The following ZNF610 variants were observed in gnomAD, a reference collection of about 807,000 sequenced individuals.
ZNF610 encodes zink finger protein.
A neutral mutation model predicts 14.1 loss-of-function variants in ZNF610; 14 were observed. The ratio of observed to expected loss-of-function variants is 0.99; its 90% confidence interval spans 0.65 to 1.55. ZNF610 has a LOEUF of 1.55. Ranked by LOEUF, ZNF610 falls within the 40% of genes most tolerant of loss-of-function variation. ZNF610 has a pLI of 0.00. For missense variants in ZNF610, 530 were observed against 558.0 expected, an observed-to-expected ratio of 0.95 and a Z score of 0.51; for synonymous variants, 185 against 187.6, an observed-to-expected ratio of 0.99 and a Z score of 0.11.
At chr19:52,344,836 G>A (rs976911080) in intron 1 of ZNF610, among the ~76,000 whole-genome samples, 2 of 152,162 alleles carry the variant, frequency 1.3e-5, no homozygotes, top group Non-Finnish European at 2.9e-5. Context: ...AGGCTGGAAC[G>A]CAGTGGTGCA....
chr19:52,335,166 G>C (rs1264790220), upstream of ZNF610, among the ~76,000 whole-genome samples: 1 of 151,778 alleles, frequency 6.6e-6, no homozygotes, highest in Non-Finnish European at 1.5e-5. Flanking sequence ...TTAGGCGGGC[G>C]TGGTGGTGGG....
chr19:52,334,550 T>C (rs1356797291), upstream of ZNF610, among the ~76,000 whole-genome samples: 1 of 151,976 alleles, frequency 6.6e-6, no homozygotes, highest in African/African-American at 2.4e-5. Context: ...TAAAATTAAA[T>C]GAATATTGAC....
At chr19:52,351,664 C>G (rs1321992660) in intron 3 of ZNF610, among the ~76,000 whole-genome samples, 2 of 152,126 alleles carry the variant, frequency 1.3e-5, no homozygotes, top group African/African-American at 4.8e-5. Flanking sequence ...TGCACCTGCT[C>G]TGCAGCCTGT....
At chr19:52,339,257 C>A (rs1413215335) in intron 1 of ZNF610, among the ~76,000 whole-genome samples, 2 of 151,814 alleles carry the variant, frequency 1.3e-5, no homozygotes, top group East Asian at 3.9e-4. Flanking sequence ...ATGCCTTCCT[C>A]TTATCTTAAC....
chr19:52,358,240 G>A (rs1985622206), intron 5 of ZNF610, among the ~76,000 whole-genome samples: 1 of 152,122 alleles, frequency 6.6e-6, no homozygotes. Flanking sequence ...CTGGAGTGCG[G>A]TGGCGCGATC....
chr19:52,339,308 C>A (rs114018702), intron 1 of ZNF610, among the ~76,000 whole-genome samples: 4 of 151,898 alleles, frequency 2.6e-5, no homozygotes, highest in Non-Finnish European at 4.4e-5. Flanking sequence ...TCAGCACAGA[C>A]CCTTTATGGG....
At chr19:52,364,181 C>T (rs181253734) in intron 5 of ZNF610, among the ~76,000 whole-genome samples, 1 of 152,252 alleles carries the variant, frequency 6.6e-6, no homozygotes, top group African/African-American at 2.4e-5. Context: ...ATGTAATATT[C>T]CCATTAACAC....
intron 2 of ZNF610, among the ~76,000 whole-genome samples, chr19:52,348,572 C>T (rs1396903417): frequency 2.0e-5 from 3 of 152,056 alleles, no homozygotes; most frequent in Admixed American, 2.0e-4. Context: ...TTGTTTAACC[C>T]TTATTTTACT....
At chr19:52,346,738 T>C (rs1984978809) in intron 1 of ZNF610, among the ~76,000 whole-genome samples, 1 of 152,172 alleles carries the variant, frequency 6.6e-6, no homozygotes, top group African/African-American at 2.4e-5. Context: ...TGATTTATTT[T>C]TTTATTTTTT....
intron 1 of ZNF610, among the ~76,000 whole-genome samples, chr19:52,338,741 C>T (rs1420138359): frequency 2.0e-5 from 3 of 151,946 alleles, no homozygotes; most frequent in Non-Finnish European, 4.4e-5. Flanking sequence ...GGTCTTGTTG[C>T]CCTGGCTGGT....
chr19:52,363,092 G>A (rs984373589), intron 5 of ZNF610, among the ~76,000 whole-genome samples: 22 of 151,274 alleles, frequency 1.5e-4, no homozygotes, highest in Non-Finnish European at 2.1e-4. Flanking sequence ...CTCCAAAGCC[G>A]AGAGACAGAA....
chr19:52,360,517 A>T (rs1448325944), intron 5 of ZNF610, among the ~76,000 whole-genome samples: 1 of 152,216 alleles, frequency 6.6e-6, no homozygotes, highest in African/African-American at 2.4e-5. Flanking sequence ...TCATTATTTC[A>T]ACACTGAGTA....
intron 5 of ZNF610, among the ~76,000 whole-genome samples, chr19:52,357,378 G>A (rs1340405864): frequency 6.6e-6 from 1 of 152,102 alleles, no homozygotes; most frequent in Non-Finnish European, 1.5e-5. Context: ...GGGCGCAGTG[G>A]CTCACGCCTG....
intron 5 of ZNF610, among the ~76,000 whole-genome samples, chr19:52,356,073 C>T (rs1266701383): frequency 6.6e-6 from 1 of 152,304 alleles, no homozygotes; most frequent in African/African-American, 2.4e-5. Flanking sequence ...AAGGTTGCCT[C>T]ATTAGAGCAG....
At chr19:52,355,040 G>T (rs754298844) in intron 5 of ZNF610, among the ~76,000 whole-genome samples, 1 of 152,080 alleles carries the variant, frequency 6.6e-6, no homozygotes, top group Non-Finnish European at 1.5e-5. Context: ...TTTCACCCTC[G>T]AGTGGTGTTG....
chr19:52,366,609 C>T lies in ZNF610; in HGVS notation c.1231C>T (p.Arg411Cys), dbSNP rs200788536. The stretch of plus-strand genomic sequence containing the variant: ...TAATGAATGTGACAAAGTCTTTGGG[C>T]GCAAATTATACCTAACCAACCATCA... Reference protein sequence around the residue: ...KCNECDKVFGRKLYLTNHQRI... With the variant: ...KCNECDKVFGCKLYLTNHQRI... Residue 411 changes from arginine to cysteine, a missense_variant, in exon 6 of 6, where the codon CGC becomes TGC. Arg to Cys is a radical substitution (Grantham distance 180, BLOSUM62 -3). Coordinates refer to ENST00000403906, the MANE Select transcript of ZNF610 (RefSeq NM_001161425.2). 6.5e-5 allele frequency: 105 copies of T among 1,614,138 alleles called. 1 individual carries two copies. The highest frequency in any genetic ancestry group is 1.2e-4 in the South Asian group (11 of 91,078).
rs115300144 is a variant in ZNF610, at chr19:52,343,829, G to A, written c.-257-3878G>A. Among the ~76,000 whole-genome samples the A allele has an allele frequency of 2.7e-3, 409 of 152,246 alleles. 3 individuals are homozygous for A. Among genetic ancestry groups the A allele is most frequent in the African/African-American group, 9.5e-3 (394 of 41,554 alleles). The stretch of plus-strand genomic sequence containing the variant: ...ATACAGCCACGTCTCAGTGTAGGCT[G>A]CAGGTCTTCAGAGAGGCCCCTGACA... On this transcript the variant is annotated intron_variant, in intron 1 of 5. Coordinates refer to ENST00000403906, the MANE Select transcript of ZNF610 (RefSeq NM_001161425.2).
At chr19:52,339,375 A>G (rs1984555116) in intron 1 of ZNF610, among the ~76,000 whole-genome samples, 1 of 151,272 alleles carries the variant, frequency 6.6e-6, no homozygotes, top group Non-Finnish European at 1.5e-5. Context: ...ATCTCAGGCT[A>G]TCACATGGGG....
At position 52,354,368 on chromosome 19, in the gene ZNF610, G is replaced by A. The variant is rs1985416922; in HGVS notation, c.308G>A (p.Ser103Asn). The change falls in exon 5 of 6, where the codon AGC becomes AAC. Residue 103 changes from serine to asparagine, a missense_variant. Coordinates refer to ENST00000403906, the MANE Select transcript of ZNF610 (RefSeq NM_001161425.2). ...ACAGATGGAAGGGAATGTGTCAGAA[G>A]CGTGAACACAGGTAAGAGCTCTGAT... The part of the protein sequence containing the change: ...KNTDGRECVR[S>N]VNTGRSCVLG... 1 of 1,613,968 alleles carries A rather than the reference G, an allele frequency of 6.2e-7. No homozygotes were observed. The highest frequency in any genetic ancestry group is 8.5e-7 in the Non-Finnish European group (1 of 1,180,032).
Sources: gnomAD v4.1 joint callset for allele counts (sites outside exome capture counted in the v4.1 genomes callset) on GRCh38, gnomAD v4.1.1 for gene constraint, MANE v1.5 for transcripts, NCBI Gene and HGNC (gene_info 2026-07-23, HGNC 2026-07-21) for gene names.